PRKCH: variants seen among roughly 807,000 people sequenced by gnomAD.
PRKCH encodes protein kinase C eta, also known as protein kinase C eta type.
A neutral mutation model predicts 82.5 loss-of-function variants in PRKCH; 28 were observed. The ratio of observed to expected loss-of-function variants is 0.34; its 90% CI spans 0.25 to 0.47. The LOEUF (loss-of-function observed/expected upper bound fraction) is 0.47. PRKCH is among the 20% of genes least tolerant of loss of function. The probability of loss-of-function intolerance (pLI) is 1.00; values close to 1 mark genes in which losing one functional copy is unlikely to be tolerated. For missense variants in PRKCH, 705 were observed against 881.8 expected (o/e 0.80, Z 2.54); for synonymous variants, 322 against 327.4 (o/e 0.98, Z 0.18).
At chr14:61,270,389 C>T (rs944562409) in intron 1 of PRKCH, among the ~76,000 whole-genome samples, 1 of 152,190 alleles carries the variant, frequency 6.6e-6, no homozygotes, top group Non-Finnish European at 1.5e-5. Flanking sequence ...GCCATCTCTC[C>T]ACGCTAGCAG....
chr14:61,280,307 C>T lies in PRKCH; in HGVS notation c.-19+92639C>T. ...TAGGTGATGTTGACGCGGTAGGCGC[C>T]CCGCGGCAGCCCGGCCGAGTAGTTG... On this transcript the variant is annotated intron_variant, in intron 1 of 3. Transcript: ENST00000555185. The surrounding 1 kb of genome is among the most constrained non-coding windows in gnomAD (Gnocchi z 5.0). The T allele has an allele frequency of 2.5e-6, 4 of 1,613,858 alleles. No individual in the cohort carries two copies. Among genetic ancestry groups the T allele is most frequent in the Non-Finnish European group, 3.4e-6 (4 of 1,179,980 alleles).
chr14:61,352,694 GAAAGAAAGAAAGAAA>G (rs1429926092), intron 1 of PRKCH, among the ~76,000 whole-genome samples: 5 of 87,328 alleles, frequency 5.7e-5, no homozygotes, highest in Admixed American at 2.4e-4. Flanking sequence ...GGAAAGGAAA[GAAAGAAAGAAAGAAA>G]GAAAGAAAGA....
At chr14:61,396,938 G>A (rs2046794278) in intron 2 of PRKCH, among the ~76,000 whole-genome samples, 1 of 152,268 alleles carries the variant, frequency 6.6e-6, no homozygotes. Flanking sequence ...ACAATAAATT[G>A]CATGTTCACA....
At position 61,322,045 on chromosome 14, in the gene PRKCH, C is replaced by T; in HGVS notation, c.-57C>T. ...CGAGGGCTGGCCTGAGACGGGACTC[C>T]CGGTTCTCCCGCTGCGAAGCAGCGC... On this transcript the variant is annotated 5_prime_UTR_variant, in exon 1 of 14. Transcript: ENST00000332981. 2.0e-6 allele frequency: 3 copies of T among 1,482,508 alleles called. No individual in the cohort carries two copies. Among genetic ancestry groups the T allele is most frequent in the Non-Finnish European group, 2.7e-6 (3 of 1,112,106 alleles). The allele number at this position is 1,482,508 out of a possible 1,614,324, so 91.8% of individuals were successfully genotyped here. A position where few individuals can be genotyped will look rare whatever the true frequency, so the allele number is the denominator to read the frequency against.
At chr14:61,485,224 C>T (rs560528576) in intron 9 of PRKCH, among the ~76,000 whole-genome samples, 7 of 152,222 alleles carry the variant, frequency 4.6e-5, no homozygotes, top group East Asian at 1.9e-4. Flanking sequence ...AGCTGGAACT[C>T]GAGTCAAAGG....
In PRKCH at chr14:61,402,366, AAAG is replaced by A. The variant is rs1881673842; in HGVS notation, c.427+11084_427+11086del. 2.0e-5 allele frequency among the ~76,000 whole-genome samples: 3 copies of A among 148,678 alleles called. No individual in the cohort carries two copies. In the South Asian group the frequency reaches 6.2e-4, roughly 31 times the overall value. Reference sequence around the variant, plus strand: ...GCCTTGTTTACTTTTGTGTGGTATTAAAGAAGAATATCTGCAATTATCTGAAAA... The same window carrying A: ...GCCTTGTTTACTTTTGTGTGGTATTAAAGAATATCTGCAATTATCTGAAAA... On this transcript the variant is annotated intron_variant, in intron 2 of 13. Transcript: ENST00000332981.
At chr14:61,486,750 G>A (rs1398934782) in intron 10 of PRKCH, among the ~76,000 whole-genome samples, 2 of 150,842 alleles carry the variant, frequency 1.3e-5, no homozygotes, top group African/African-American at 4.9e-5. Flanking sequence ...CTGGCCTCAA[G>A]CAATCCTCCC....
chr14:61,456,327 T>G (rs1470086425), intron 7 of PRKCH, among the ~76,000 whole-genome samples: 1 of 152,166 alleles, frequency 6.6e-6, no homozygotes, highest in Admixed American at 6.5e-5. Flanking sequence ...GTTTTGAAGA[T>G]TTGCATGAAG....
At chr14:61,474,611 C>T (rs536514912) in intron 9 of PRKCH, among the ~76,000 whole-genome samples, 3 of 152,136 alleles carry the variant, frequency 2.0e-5, no homozygotes, top group East Asian at 3.9e-4. Context: ...ATGTAAATGA[C>T]GAGTTGATGG....
chr14:61,519,317 G>GAATGAATGAATGAATA (rs547220185), intron 10 of PRKCH, among the ~76,000 whole-genome samples: 1 of 115,122 alleles, frequency 8.7e-6, no homozygotes, highest in South Asian at 2.8e-4. Context: ...ATGAATGAAT[G>GAATGAATGAATGAATA]AATAAATAAA....
rs1348096883 is a variant in PRKCH, at chr14:61,322,121, A to G, written c.20A>G (p.Lys7Arg). The G allele has an allele frequency of 3.2e-6, 5 of 1,579,748 alleles. No individual in the cohort carries two copies. The Admixed American group carries it at 8.8e-5, about 28-fold the overall frequency. The change falls in exon 1 of 14, where the codon AAG becomes AGG. Residue 7 changes from lysine (K) to arginine (R), a missense_variant. Coordinates refer to ENST00000332981, the MANE Select transcript of PRKCH (RefSeq NM_006255.5). ...GCCGGCATGTCGTCTGGCACCATGA[A>G]GTTCAATGGCTATTTGAGGGTCCGC... The part of the protein sequence containing the change: MSSGTM[K>R]FNGYLRVRIG...
intron 1 of PRKCH, among the ~76,000 whole-genome samples, chr14:61,208,677 G>T (rs2044546222): frequency 6.6e-6 from 1 of 152,084 alleles, no homozygotes; most frequent in Non-Finnish European, 1.5e-5. Context: ...CTTAAATAAG[G>T]TTTCACACAC....
intron 1 of PRKCH, among the ~76,000 whole-genome samples, chr14:61,232,838 T>C (rs2140060433): frequency 6.6e-6 from 1 of 152,272 alleles, no homozygotes; most frequent in Non-Finnish European, 1.5e-5. Flanking sequence ...CAGGCCTTGG[T>C]GTTCATGTGA....
At chr14:61,399,085 A>G (rs948526703) in intron 2 of PRKCH, among the ~76,000 whole-genome samples, 11 of 152,198 alleles carry the variant, frequency 7.2e-5, no homozygotes, top group African/African-American at 2.7e-4. Context: ...TGATGATATG[A>G]TATGACATCT....
At chr14:61,187,902 A>G (rs1163120493) in intron 1 of PRKCH, among the ~76,000 whole-genome samples, 1 of 152,150 alleles carries the variant, frequency 6.6e-6, no homozygotes, top group Non-Finnish European at 1.5e-5. Flanking sequence ...AGTGGTCTTT[A>G]TCCTTCTCTG....
At chr14:61,428,824 T>C (rs571495602) in intron 2 of PRKCH, among the ~76,000 whole-genome samples, 3 of 152,356 alleles carry the variant, frequency 2.0e-5, no homozygotes, top group South Asian at 2.1e-4. Context: ...ATTCAATCAT[T>C]GCCTATGAAA....
At position 61,285,953 on chromosome 14, in the gene PRKCH, G is replaced by A. The variant is rs147836618; in HGVS notation, c.-19+98285G>A. ...CTGTTCCATTTACACAGAGTCCCAG[G>A]AACAGCTGAGTTGCTTGTATTTTTG... On this transcript the variant is annotated intron_variant, in intron 1 of 3. Coordinates refer to the PRKCH transcript ENST00000555185. Among the ~76,000 whole-genome samples the A allele has an allele frequency of 6.6e-3, 1,012 of 152,284 alleles. 2 individuals are homozygous for A. Among genetic ancestry groups the A allele is most frequent in the Non-Finnish European group, 9.9e-3 (671 of 68,034 alleles).
intron 2 of PRKCH, among the ~76,000 whole-genome samples, chr14:61,433,338 G>A (rs1170834030): frequency 6.6e-6 from 1 of 151,946 alleles, no homozygotes; most frequent in African/African-American, 2.4e-5. Context: ...AGCTTAAAAG[G>A]GACTTTAGAA....
chr14:61,306,956 A>G (rs969265547), intron 1 of PRKCH: 1 of 152,232 alleles, frequency 6.6e-6, no homozygotes, highest in Non-Finnish European at 1.5e-5. Flanking sequence ...AGACATTTTT[A>G]AAGAGTTTAA....
Sources: allele counts gnomAD v4.1 joint callset (sites outside exome capture counted in the v4.1 genomes callset), GRCh38; gene constraint gnomAD v4.1.1; non-coding constraint Gnocchi (gnomAD v3.1); transcripts MANE v1.5; gene names NCBI Gene and HGNC (gene_info 2026-07-23, HGNC 2026-07-21).